CREBBP: variants seen among roughly 807,000 people sequenced by gnomAD.
CREBBP encodes CREB-binding protein.
In CREBBP, 19 loss-of-function variants were observed where a neutral mutation model predicts 265.0. That is an observed-to-expected ratio of 0.07 (90% CI 0.05 to 0.11). CREBBP has a LOEUF of 0.11. Among genes scored for constraint, CREBBP ranks in the 10% least tolerant of loss-of-function variants. The pLI is 1.00. For missense variants in CREBBP, 2,525 were observed against 3,219.0 expected (o/e 0.78, Z 5.22); for synonymous variants, 1,457 against 1,223.7 (o/e 1.19, Z -3.98).
intron 13 of CREBBP, 138 bp from the exon 14 acceptor site, chr16:3,771,124 A>C: frequency 1.1e-6 from 1 of 893,490 alleles, no homozygotes; most frequent in Non-Finnish European, 1.8e-6. Flanking sequence ...GCTGCAATGC[A>C]ATGGTGCGAT....
chr16:3,797,942 A>T (rs1021544095), intron 3 of CREBBP, among the ~76,000 whole-genome samples: 5 of 152,266 alleles, frequency 3.3e-5, no homozygotes, highest in African/African-American at 9.6e-5. Flanking sequence ...TCTTTTATGC[A>T]AATGCTCTCA....
chr16:3,761,155 T>C (rs1048593764), intron 16 of CREBBP, among the ~76,000 whole-genome samples: 1 of 151,988 alleles, frequency 6.6e-6, no homozygotes, highest in Non-Finnish European at 1.5e-5. Context: ...GGTTTCTCCA[T>C]GTTGGTCAGG....
chr16:3,860,420 C>CT (rs1411167434), intron 1 of CREBBP, among the ~76,000 whole-genome samples: 1 of 152,060 alleles, frequency 6.6e-6, no homozygotes, highest in African/African-American at 2.4e-5. Context: ...TCATGGCTCA[C>CT]TGTAGCCTCA....
At chr16:3,745,473 A>G in intron 21 of CREBBP, 119 bp from the exon 22 acceptor site, 2 of 823,306 alleles carry the variant, frequency 2.4e-6, no homozygotes, top group Non-Finnish European at 4.1e-6. Context: ...TAGTGCTGAC[A>G]TTAATGCGTG....
intron 7 of CREBBP, 149 bp downstream of exon 7, chr16:3,781,054 TA>T: frequency 9.9e-7 from 1 of 1,012,760 alleles, no homozygotes; most frequent in Non-Finnish European, 1.5e-6. Flanking sequence ...TCTACATTTA[TA>T]ATTAAAGAAA....
chr16:3,790,453 C>A (rs1232475856), intron 5 of CREBBP, among the ~76,000 whole-genome samples: 2 of 146,146 alleles, frequency 1.4e-5, no homozygotes, highest in African/African-American at 5.1e-5. Context: ...CGGCTCACCG[C>A]AACCTCCACC....
rs752125051 is a variant in CREBBP, at chr16:3,731,330, G to T, written c.5034C>A (p.Phe1678Leu). ...LTLARDKHWE[F>L]SSLRRSKWST... ...ACCACTTGGAGCGGCGCAAGGAGGA[G>T]AACTCCCAGTGCTTGTCTCTGGCGA... The change falls in exon 30 of 31, where the codon TTC becomes TTA. Residue 1678 changes from phenylalanine (F) to leucine (L), a missense_variant. By Grantham distance (22) the Phe-to-Leu change is conservative. Coordinates refer to ENST00000262367, the MANE Select transcript of CREBBP (RefSeq NM_004380.3). This position sits in a 1 kb window ranked among gnomAD's most constrained non-coding sequence, Gnocchi z 7.7. 6.2e-7 allele frequency: 1 copy of T among 1,614,122 alleles called. No individual in the cohort carries two copies. The highest frequency in any genetic ancestry group is 8.5e-7 in the Non-Finnish European group (1 of 1,180,004).
At chr16:3,829,499 C>A (rs542736273) in intron 2 of CREBBP, among the ~76,000 whole-genome samples, 43 of 152,262 alleles carry the variant, frequency 2.8e-4, no homozygotes, top group African/African-American at 9.6e-4. Context: ...GTGAATTGAA[C>A]AGATTCCAGA....
intron 2 of CREBBP, among the ~76,000 whole-genome samples, chr16:3,840,167 CTTAT>C (rs1424359721): frequency 6.6e-6 from 1 of 152,188 alleles, no homozygotes; most frequent in Non-Finnish European, 1.5e-5. Context: ...ATAAAATTCC[CTTAT>C]TTCTTTGTGT....
At chr16:3,820,792 T>A (rs2054127452) in intron 2 of CREBBP, among the ~76,000 whole-genome samples, 1 of 152,112 alleles carries the variant, frequency 6.6e-6, no homozygotes, top group African/African-American at 2.4e-5. Flanking sequence ...CCCAAGAGGT[T>A]GAGGATGTAG....
At chr16:3,785,211 C>G (rs2053358317) in intron 5 of CREBBP, among the ~76,000 whole-genome samples, 1 of 152,198 alleles carries the variant, frequency 6.6e-6, no homozygotes, top group African/African-American at 2.4e-5. Context: ...GCTCCAAGTG[C>G]TCCATGGTGG....
At chr16:3,740,786 G>C in intron 23 of CREBBP, 1 of 576,466 alleles carries the variant, frequency 1.7e-6, no homozygotes, top group Non-Finnish European at 3.1e-6. Context: ...CAGGTAACCT[G>C]CATCTTTTTC....
At chr16:3,781,788 TA>T (rs2053278821) in intron 6 of CREBBP, among the ~76,000 whole-genome samples, 1 of 152,174 alleles carries the variant, frequency 6.6e-6, no homozygotes, top group Non-Finnish European at 1.5e-5. Flanking sequence ...AAGCTGAGAC[TA>T]AAAAAGGTTA....
At chr16:3,877,758 C>G (rs1160851922) in intron 1 of CREBBP, among the ~76,000 whole-genome samples, 1 of 152,228 alleles carries the variant, frequency 6.6e-6, no homozygotes, top group African/African-American at 2.4e-5. Context: ...CCCATACTAA[C>G]AGACCCTTTC....
At chr16:3,852,314 G>A (rs892208475) in intron 1 of CREBBP, among the ~76,000 whole-genome samples, 1 of 150,572 alleles carries the variant, frequency 6.6e-6, no homozygotes, top group Non-Finnish European at 1.5e-5. Context: ...GATTATAGGC[G>A]CCCACCACCA....
chr16:3,751,457 T>C (rs546196117), intron 20 of CREBBP, among the ~76,000 whole-genome samples: 5 of 152,098 alleles, frequency 3.3e-5, no homozygotes, highest in Admixed American at 1.3e-4. Context: ...CTGGGTATGG[T>C]GGCGTGCACC....
intron 3 of CREBBP, among the ~76,000 whole-genome samples, chr16:3,799,317 T>C (rs1247639619): frequency 2.0e-5 from 3 of 152,216 alleles, no homozygotes; most frequent in Non-Finnish European, 4.4e-5. Flanking sequence ...GTACATGAAT[T>C]ATATCTTAAA....
At chr16:3,845,568 C>T (rs1019751251) in intron 2 of CREBBP, among the ~76,000 whole-genome samples, 3 of 152,042 alleles carry the variant, frequency 2.0e-5, no homozygotes, top group African/African-American at 7.2e-5. Context: ...TGTCTCACTC[C>T]TTATGCCAAA....
In CREBBP at chr16:3,727,911, T is replaced by G; in HGVS notation, c.7136A>C (p.Gln2379Pro). The G allele has an allele frequency of 3.1e-6, 5 of 1,612,000 alleles. No individual in the cohort carries two copies. The highest frequency in any genetic ancestry group is 1.7e-5 in the Admixed American group (1 of 59,916). ...PQPSPHHVSP[Q>P]TGSPHPGLAV... ...GAGTCCGGGGTGGGGGGAACCAGTC[T>G]GGGGTGAGACGTGGTGTGGCGAAGG... is the stretch of plus-strand genomic sequence containing the variant. The change falls in exon 31 of 31, where the codon CAG (glutamine) becomes CCG (proline). Residue 2379 changes from glutamine to proline, a missense_variant. By Grantham distance (76) the Gln-to-Pro change is moderately conservative. This residue lies in a region of CREBBP where 473 missense variants were observed against 459.3 expected (regional missense o/e 1.03). Coordinates refer to ENST00000262367, the MANE Select transcript of CREBBP (RefSeq NM_004380.3).
Sources: allele counts gnomAD v4.1 joint callset (sites outside exome capture counted in the v4.1 genomes callset), GRCh38; gene constraint gnomAD v4.1.1; regional missense constraint gnomAD v4.1.1; non-coding constraint Gnocchi (gnomAD v3.1); transcripts MANE v1.5; gene names NCBI Gene and HGNC (gene_info 2026-07-23, HGNC 2026-07-21).